CTBP2: variants seen among roughly 807,000 people sequenced by gnomAD.
The protein encoded by CTBP2 is C-terminal binding protein 2.
CTBP2 carries 30 observed loss-of-function variants against 80.3 expected under a neutral mutation model. That is an observed-to-expected ratio of 0.37 (90% confidence interval 0.28 to 0.51). The LOEUF (loss-of-function observed/expected upper bound fraction) is 0.51, where lower values mean the gene tolerates loss of function less well. CTBP2 is among the 20% of genes least tolerant of loss of function. The pLI is 0.93. For synonymous variants in CTBP2, 594 were observed against 587.4 expected (o/e 1.01, Z -0.16); for missense variants, 1,212 against 1,375.3 (o/e 0.88, Z 1.88).
rs1175907403 is a variant in CTBP2, at chr10:124,987,010, G to GTGAT, written c.*2504_*2507dup. 2.0e-5 allele frequency: 3 copies of GTGAT among 152,562 alleles called. No homozygotes were observed. The highest frequency in any genetic ancestry group is 7.2e-5 in the African/African-American group (3 of 41,416). 9.5% of individuals were successfully genotyped at this position (152,562 alleles called of 1,614,324 possible). ...CAATCAGTGACCCTGACCACATAGT[G>GTGAT]TGATAGGTGCAGCATTCTTCCCTGT... On this transcript the variant is annotated 3_prime_UTR_variant, in exon 9 of 9. Transcript: ENST00000309035.
At chr10:124,994,275 CCTT>C (rs1163486580) in intron 5 of CTBP2, among the ~76,000 whole-genome samples, 191 bp downstream of exon 7, 1 of 152,226 alleles carries the variant, frequency 6.6e-6, no homozygotes, top group Non-Finnish European at 1.5e-5. Flanking sequence ...TAGCGCCTGT[CCTT>C]CTCTGCTTAG....
At chr10:125,083,474 C>G (rs1847491044) in intron 2 of CTBP2, among the ~76,000 whole-genome samples, 1 of 152,180 alleles carries the variant, frequency 6.6e-6, no homozygotes, top group Non-Finnish European at 1.5e-5. Context: ...GGCGAGGATA[C>G]CGCCCTCTGA....
intron 1 of CTBP2, among the ~76,000 whole-genome samples, chr10:125,014,312 C>T (rs1172945809): frequency 6.6e-6 from 1 of 152,156 alleles, no homozygotes; most frequent in Non-Finnish European, 1.5e-5. Flanking sequence ...ATTTACTGGG[C>T]GTGGTGCCAC....
chr10:125,116,444 T>A (rs371705995), intron 1 of CTBP2, among the ~76,000 whole-genome samples: 2 of 151,704 alleles, frequency 1.3e-5, no homozygotes, highest in African/African-American at 4.9e-5. Flanking sequence ...CTCCCCACAC[T>A]CTGCCCCTCC....
intron 3 of CTBP2, 130 bp from the exon 6 acceptor site, chr10:124,998,300 G>T: frequency 9.4e-7 from 1 of 1,063,840 alleles, no homozygotes; most frequent in Non-Finnish European, 1.4e-6. Flanking sequence ...TCGTCTAGCA[G>T]ACGCGGGGCT....
intron 3 of CTBP2, among the ~76,000 whole-genome samples, chr10:125,036,704 TGTGTGTGTGTGTTTG>T (rs1958935455): frequency 9.4e-6 from 1 of 106,818 alleles, no homozygotes; most frequent in Admixed American, 8.7e-5. Context: ...TGTGTGTGTG[TGTGTGTGTGTGTTTG>T]TGTGTGTTAG....
intron 1 of CTBP2, among the ~76,000 whole-genome samples, chr10:125,155,402 CCTT>C (rs1860739403): frequency 6.6e-6 from 1 of 150,410 alleles, no homozygotes; most frequent in Non-Finnish European, 1.5e-5. Context: ...GTGAATCCCC[CCTT>C]TTTTTTTTTA....
At chr10:125,123,303 G>A (rs537138386) in intron 1 of CTBP2, among the ~76,000 whole-genome samples, 2 of 152,272 alleles carry the variant, frequency 1.3e-5, no homozygotes, top group East Asian at 3.9e-4. Context: ...CCAAATGAGT[G>A]CATGTTACAC....
chr10:125,114,171 A>G (rs1152695), intron 1 of CTBP2, among the ~76,000 whole-genome samples: 55,956 of 152,042 alleles, frequency 0.37, 12,891 homozygotes, highest in African/African-American at 0.65. Flanking sequence ...AATCACCACT[A>G]CTTCTGAACC....
chr10:125,030,805 G>A (rs1958093378), upstream of CTBP2, among the ~76,000 whole-genome samples: 1 of 152,164 alleles, frequency 6.6e-6, no homozygotes, highest in African/African-American at 2.4e-5. Context: ...TTCTCAGGAG[G>A]CAACTTAAGT....
intron 2 of CTBP2, among the ~76,000 whole-genome samples, chr10:125,084,130 TTTA>T (rs1272727658): frequency 6.6e-6 from 1 of 152,070 alleles, no homozygotes; most frequent in Non-Finnish European, 1.5e-5. Flanking sequence ...ACTATGTTAT[TTTA>T]TTTTTTGTAG....
intron 3 of CTBP2, among the ~76,000 whole-genome samples, chr10:125,035,312 G>T (rs150097161): frequency 6.6e-6 from 1 of 152,236 alleles, no homozygotes; most frequent in Non-Finnish European, 1.5e-5. Flanking sequence ...CATTCCAGAG[G>T]TGCGGAATGT....
chr10:124,985,279 G>T lies in CTBP2; in HGVS notation c.*4239C>A. 3.4e-6 allele frequency: 1 copy of T among 296,516 alleles called. No homozygotes were observed. The highest frequency in any genetic ancestry group is 4.9e-5 in the Admixed American group (1 of 20,486). 18.4% of individuals were successfully genotyped at this position (296,516 alleles called of 1,614,324 possible). On this transcript the variant is annotated 3_prime_UTR_variant, in exon 9 of 9. Transcript: ENST00000309035. Reference sequence around the variant, plus strand: ...ATCTGTCTATAAATGTAACGCATGTGGTTGTGTAAGACATTGTTTAATAGG... The same window carrying T: ...ATCTGTCTATAAATGTAACGCATGTTGTTGTGTAAGACATTGTTTAATAGG...
At chr10:125,111,134 GA>G (rs1250684504) in intron 1 of CTBP2, 41 bp from the exon 2 acceptor site, 6 of 147,998 alleles carry the variant, frequency 4.1e-5, no homozygotes, top group African/African-American at 1.6e-4. Context: ...ATGAAGTAGA[GA>G]TTTTTTTTTT....
In CTBP2 at chr10:124,988,030, G is replaced by GTAGAT. The variant is rs899310364; in HGVS notation, c.*1483_*1487dup. 6.6e-6 allele frequency: 1 copy of GTAGAT among 152,390 alleles called. No homozygotes were observed. Among genetic ancestry groups the GTAGAT allele is most frequent in the African/African-American group, 2.4e-5 (1 of 41,316 alleles). The allele number at this position is 152,390 out of a possible 1,614,324, so 9.4% of individuals were successfully genotyped here. A position where few individuals can be genotyped will look rare whatever the true frequency, so the allele number is the denominator to read the frequency against. On this transcript the variant is annotated 3_prime_UTR_variant, in exon 9 of 9. Transcript: ENST00000309035. ...CAGGTCCAGGTCATTTTGCTTTGGG[G>GTAGAT]TAGATTAAAGTCAGAACTCTAAAAG...
At chr10:125,036,507 G>GA (rs57551359) in intron 3 of CTBP2, among the ~76,000 whole-genome samples, 187 of 149,078 alleles carry the variant, frequency 1.3e-3, no homozygotes, top group East Asian at 7.2e-3. Flanking sequence ...CATTTAGAAA[G>GA]AAAAAAAAAA....
At chr10:125,136,629 C>T (rs1468795131) in intron 1 of CTBP2, among the ~76,000 whole-genome samples, 1 of 152,210 alleles carries the variant, frequency 6.6e-6, no homozygotes, top group Non-Finnish European at 1.5e-5. Flanking sequence ...ATGCCCTCAG[C>T]ACCTTCCAAG....
At chr10:125,077,082 C>A (rs60429131) in intron 2 of CTBP2, among the ~76,000 whole-genome samples, 1,671 of 152,168 alleles carry the variant, frequency 0.011, 33 homozygotes, top group African/African-American at 0.038. Flanking sequence ...AGAAAAAATT[C>A]ACCACTCTTG....
chr10:125,153,077 G>A (rs749981880), intron 1 of CTBP2, among the ~76,000 whole-genome samples: 3 of 152,206 alleles, frequency 2.0e-5, no homozygotes, highest in Non-Finnish European at 4.4e-5. Flanking sequence ...AGGAGCCCAC[G>A]CAGCCCATCT....
Sources: allele counts gnomAD v4.1 joint callset (sites outside exome capture counted in the v4.1 genomes callset), GRCh38; gene constraint gnomAD v4.1.1; transcripts MANE v1.5; gene names NCBI Gene and HGNC (gene_info 2026-07-23, HGNC 2026-07-21).